The following SUV39H2 variants were observed in gnomAD, a reference collection of about 807,000 sequenced individuals.
SUV39H2 encodes the protein SUV39H2 histone lysine methyltransferase.
In SUV39H2, 10 loss-of-function variants were observed where a neutral mutation model predicts 47.5. The observed-to-expected ratio is 0.21, with a 90% confidence interval of 0.13 to 0.36. The LOEUF (loss-of-function observed/expected upper bound fraction) is 0.36. SUV39H2 is among the 10% of genes least tolerant of loss of function. The pLI, the probability that SUV39H2 is intolerant of heterozygous loss-of-function variation, is 1.00. For missense variants in SUV39H2, 266 were observed against 487.4 expected, an observed-to-expected ratio of 0.55 and a Z score of 4.28; for synonymous variants, 159 against 166.8, an observed-to-expected ratio of 0.95 and a Z score of 0.36.
chr10:14,899,399 TTGTG>T, intron 3 of SUV39H2, 136 bp from the exon 4 acceptor site: 1 of 872,270 alleles, frequency 1.1e-6, no homozygotes, highest in Non-Finnish European at 1.8e-6. Context: ...GAGTCTTAGT[TTGTG>T]TGAATGTTTG....
chr10:14,888,020 G>T (rs1006084246), intron 2 of SUV39H2, among the ~76,000 whole-genome samples: 32 of 152,330 alleles, frequency 2.1e-4, no homozygotes, highest in Non-Finnish European at 8.8e-5. Context: ...AGCATGTGAG[G>T]CTGGCGGGGT....
chr10:14,899,096 G>A (rs1411181501), intron 3 of SUV39H2: 10 of 624,314 alleles, frequency 1.6e-5, no homozygotes, highest in Admixed American at 2.5e-5. Flanking sequence ...AAGGCTGGAG[G>A]CTCACTTGAG....
intron 2 of SUV39H2, among the ~76,000 whole-genome samples, chr10:14,885,066 C>T (rs1375335418): frequency 6.6e-6 from 1 of 152,114 alleles, no homozygotes; most frequent in Non-Finnish European, 1.5e-5. Context: ...CTTATCTCTC[C>T]TCTGAAATGT....
At chr10:14,897,957 TTA>T (rs1190854584) in intron 3 of SUV39H2, 2 of 152,260 alleles carry the variant, frequency 1.3e-5, no homozygotes, top group Non-Finnish European at 2.9e-5. Flanking sequence ...GATACTATAT[TTA>T]TGAGTTTTGT....
intron 2 of SUV39H2, among the ~76,000 whole-genome samples, chr10:14,888,855 A>T (rs1833296893): frequency 6.6e-6 from 1 of 152,180 alleles, no homozygotes; most frequent in Non-Finnish European, 1.5e-5. Flanking sequence ...CTGTAATCCC[A>T]GCACTTTGGG....
intron 5 of SUV39H2, among the ~76,000 whole-genome samples, chr10:14,902,084 T>C (rs1197885950): frequency 1.3e-5 from 2 of 152,328 alleles, no homozygotes; most frequent in Middle Eastern, 3.4e-3. Flanking sequence ...AATGAATGTG[T>C]ATTAGATATT....
chr10:14,899,274 G>A (rs1588856131), intron 3 of SUV39H2: 3 of 701,984 alleles, frequency 4.3e-6, no homozygotes, highest in East Asian at 2.7e-5. Flanking sequence ...GAGTCATGAT[G>A]GCACCACCGC....
At chr10:14,881,245 C>G (rs1276431170) in intron 1 of SUV39H2, among the ~76,000 whole-genome samples, 1 of 152,102 alleles carries the variant, frequency 6.6e-6, no homozygotes, top group Admixed American at 6.5e-5. Flanking sequence ...TTTCAAGTGA[C>G]TTAATGGAAA....
chr10:14,878,953 G>A, intron 1 of SUV39H2, 34 bp downstream of exon 1: 3 of 1,436,318 alleles, frequency 2.1e-6, no homozygotes, highest in Non-Finnish European at 1.8e-6. Context: ...CGCCTTCCCT[G>A]TTCCCAGGCA....
At chr10:14,881,131 A>C (rs1833029548) in intron 1 of SUV39H2, among the ~76,000 whole-genome samples, 1 of 152,216 alleles carries the variant, frequency 6.6e-6, no homozygotes, top group Non-Finnish European at 1.5e-5. Flanking sequence ...ATTTTATTAA[A>C]ATAGTGATTG....
intron 2 of SUV39H2, among the ~76,000 whole-genome samples, chr10:14,891,524 T>C (rs1833389278): frequency 6.6e-6 from 1 of 152,022 alleles, no homozygotes; most frequent in Non-Finnish European, 1.5e-5. Flanking sequence ...AAGTCTGGAG[T>C]AGGGAAACTA....
intron 2 of SUV39H2, among the ~76,000 whole-genome samples, chr10:14,890,823 G>A (rs566839655): frequency 6.6e-6 from 1 of 152,328 alleles, no homozygotes; most frequent in Admixed American, 6.5e-5. Context: ...GCTATAGACA[G>A]CAGGTGACAA....
chr10:14,898,839 CAATTT>C (rs1833787363), intron 3 of SUV39H2: 1 of 177,602 alleles, frequency 5.6e-6, no homozygotes, highest in African/African-American at 2.4e-5. Context: ...GTATTTTTAA[CAATTT>C]TCCATTTGTA....
chr10:14,902,521 A>G lies in SUV39H2; in HGVS notation c.*9A>G, dbSNP rs768804842. 6.6e-7 allele frequency: 1 copy of G among 1,521,014 alleles called. No homozygotes were observed. The highest frequency in any genetic ancestry group is 8.9e-7 in the Non-Finnish European group (1 of 1,123,252). 94.2% of individuals were successfully genotyped at this position (1,521,014 alleles called of 1,614,324 possible). ...GAGGTTACCTCAACTGAACTTTTTC[A>G]GGAAATAGAGCTGATGATTATAATA... On this transcript the variant is annotated 3_prime_UTR_variant, in exon 6 of 6. Transcript: ENST00000354919.
rs1833649097 is a variant in SUV39H2 at position 14,897,029 on chromosome 10, C to T, written c.361C>T (p.Pro121Ser). The T allele has an allele frequency of 3.1e-6, 5 of 1,614,004 alleles. No homozygotes were observed. The highest frequency in any genetic ancestry group is 3.4e-6 in the Non-Finnish European group (4 of 1,179,996). Residue 121 changes from proline (P) to serine (S), a missense_variant, in exon 3 of 6, where the codon CCT becomes TCT. Around this residue, in one of 4 missense-constraint regions of SUV39H2, gnomAD observed 91 missense variants for 110.9 expected, o/e 0.82. Coordinates refer to ENST00000354919, the MANE Select transcript of SUV39H2 (RefSeq NM_001193424.2). ...TPKDNNKTLK[P>S]AIAEYIVKKA... ...AAAAGACAATAACAAAACTTTGAAA[C>T]CTGCCATTGCTGAGTACATTGTGAA...
intron 2 of SUV39H2, among the ~76,000 whole-genome samples, chr10:14,883,172 T>C (rs1588833652): frequency 6.6e-6 from 1 of 152,196 alleles, no homozygotes; most frequent in East Asian, 1.9e-4. Flanking sequence ...CCGCCAGACT[T>C]TTTTTCTTCT....
rs951093068 is a variant in SUV39H2, at chr10:14,903,209, C to T, written c.*697C>T. ...AAGAAAAATCTCCGAAGAGCTCTCT[C>T]TAGAAGTCCAAAATGGCTAGCCATT... is the stretch of plus-strand genomic sequence containing the variant. On this transcript the variant is annotated 3_prime_UTR_variant, in exon 6 of 6. Transcript: ENST00000354919. 6.6e-6 allele frequency: 1 copy of T among 152,150 alleles called. No individual in the cohort carries two copies. The highest frequency in any genetic ancestry group is 1.5e-5 in the Non-Finnish European group (1 of 68,036). The allele number at this position is 152,150 out of a possible 1,614,324, so 9.4% of individuals were successfully genotyped here.
At chr10:14,894,852 T>A (rs1360588509) in intron 2 of SUV39H2, among the ~76,000 whole-genome samples, 1 of 152,214 alleles carries the variant, frequency 6.6e-6, no homozygotes, top group Non-Finnish European at 1.5e-5. Flanking sequence ...ATCACATGGC[T>A]TAGACCTTTT....
At chr10:14,882,223 G>T (rs926875903) in intron 2 of SUV39H2, among the ~76,000 whole-genome samples, 10 of 152,176 alleles carry the variant, frequency 6.6e-5, no homozygotes, top group East Asian at 1.9e-4. Flanking sequence ...AAGATTTTTT[G>T]ATCTAAACTG....
Sources: allele counts gnomAD v4.1 joint callset (sites outside exome capture counted in the v4.1 genomes callset), GRCh38; gene constraint gnomAD v4.1.1; regional missense constraint gnomAD v4.1.1; transcripts MANE v1.5; gene names NCBI Gene and HGNC (gene_info 2026-07-23, HGNC 2026-07-21).